Variants in PTPRD observed in about 807,000 individuals in gnomAD.
PTPRD encodes the protein receptor-type tyrosine-protein phosphatase delta.
A neutral mutation model predicts 214.5 loss-of-function variants in PTPRD; 34 were observed. The ratio of observed to expected loss-of-function variants is 0.16; its 90% confidence interval spans 0.12 to 0.21. PTPRD has a LOEUF of 0.21. PTPRD is among the 10% of genes least tolerant of loss of function. PTPRD has a pLI of 1.00. For synonymous variants in PTPRD, 1,128 were observed against 845.7 expected (o/e 1.33, Z -5.79); for missense variants, 2,545 against 2,398.7 (o/e 1.06, Z -1.27).
At chr9:8,679,024 T>C (rs752382684) in intron 12 of PTPRD, among the ~76,000 whole-genome samples, 33 of 152,180 alleles carry the variant, frequency 2.2e-4, no homozygotes, top group Non-Finnish European at 4.3e-4. Flanking sequence ...AATTTCTGAG[T>C]TAAACAGATG....
intron 10 of PTPRD, among the ~76,000 whole-genome samples, chr9:9,131,865 A>C (rs2099843209): frequency 6.6e-6 from 1 of 150,776 alleles, no homozygotes; most frequent in Admixed American, 6.6e-5. Flanking sequence ...AAATTTTTAA[A>C]ATTTGGCAGA....
At chr9:8,648,699 A>C (rs2096745129) in intron 12 of PTPRD, among the ~76,000 whole-genome samples, 1 of 152,216 alleles carries the variant, frequency 6.6e-6, no homozygotes, top group Admixed American at 6.5e-5. Flanking sequence ...ACAATCTCCC[A>C]GGCTCATTCA....
At chr9:10,546,728 A>C (rs2130890560) in intron 2 of PTPRD, among the ~76,000 whole-genome samples, 1 of 152,250 alleles carries the variant, frequency 6.6e-6, no homozygotes, top group East Asian at 1.9e-4. Flanking sequence ...TGTGAGCCCT[A>C]TAGAAAGGGT....
intron 31 of PTPRD, among the ~76,000 whole-genome samples, chr9:8,469,226 T>G (rs1045832672): frequency 6.6e-6 from 1 of 152,074 alleles, no homozygotes; most frequent in Non-Finnish European, 1.5e-5. Flanking sequence ...AGCCCTATAC[T>G]TTAATCCATT....
chr9:9,447,130 G>A (rs577091456), intron 8 of PTPRD, among the ~76,000 whole-genome samples: 7 of 152,090 alleles, frequency 4.6e-5, no homozygotes, highest in African/African-American at 1.2e-4. Flanking sequence ...ACCAAAAATC[G>A]GAATTACTAT....
intron 11 of PTPRD, among the ~76,000 whole-genome samples, chr9:9,003,926 C>G (rs1177733465): frequency 1.3e-5 from 2 of 152,038 alleles, no homozygotes; most frequent in African/African-American, 4.8e-5. Context: ...AACAAATTGT[C>G]TACTTCTTAG....
chr9:9,288,859 T>C (rs1243870197), intron 9 of PTPRD, among the ~76,000 whole-genome samples: 1 of 151,846 alleles, frequency 6.6e-6, no homozygotes, highest in Non-Finnish European at 1.5e-5. Context: ...TGAGATCTGA[T>C]GGTTTTATAA....
At chr9:8,484,962 G>C (rs146863326) in intron 29 of PTPRD, among the ~76,000 whole-genome samples, 52 of 152,264 alleles carry the variant, frequency 3.4e-4, no homozygotes, top group African/African-American at 1.3e-3. Flanking sequence ...AAAAGCACTA[G>C]CTTAGATGTA....
At chr9:10,521,083 T>C (rs949546250) in intron 2 of PTPRD, among the ~76,000 whole-genome samples, 12 of 151,972 alleles carry the variant, frequency 7.9e-5, no homozygotes, top group African/African-American at 2.4e-5. Context: ...ATTCTTCTGA[T>C]AGATCTGGGA....
intron 7 of PTPRD, among the ~76,000 whole-genome samples, chr9:9,650,935 C>A (rs1283316149): frequency 6.6e-6 from 1 of 151,690 alleles, no homozygotes; most frequent in Non-Finnish European, 1.5e-5. Flanking sequence ...CTACAAATAG[C>A]AATTCTAGAG....
chr9:8,766,036 G>C (rs1231579198), intron 11 of PTPRD, among the ~76,000 whole-genome samples: 1 of 151,972 alleles, frequency 6.6e-6, no homozygotes, highest in Non-Finnish European at 1.5e-5. Flanking sequence ...CAGCATCAGG[G>C]ACTGTCTTTA....
At chr9:10,289,454 A>G (rs1565064271) in intron 3 of PTPRD, among the ~76,000 whole-genome samples, 1 of 152,138 alleles carries the variant, frequency 6.6e-6, no homozygotes, top group Non-Finnish European at 1.5e-5. Context: ...ATCAAAGACA[A>G]TACTGAGGCA....
intron 3 of PTPRD, among the ~76,000 whole-genome samples, chr9:10,098,991 T>A (rs2098523943): frequency 6.6e-6 from 1 of 151,722 alleles, no homozygotes; most frequent in Non-Finnish European, 1.5e-5. Flanking sequence ...GAACAATGGG[T>A]GTACCCTCTT....
At chr9:9,395,182 T>C (rs985042220) in intron 9 of PTPRD, among the ~76,000 whole-genome samples, 1 of 132,780 alleles carries the variant, frequency 7.5e-6, no homozygotes, top group Non-Finnish European at 1.7e-5. Context: ...CCCAGGAACA[T>C]GAAACAAAAA....
At chr9:8,950,455 A>G (rs1191646404) in intron 11 of PTPRD, among the ~76,000 whole-genome samples, 1 of 150,892 alleles carries the variant, frequency 6.6e-6, no homozygotes, top group Admixed American at 6.6e-5. Flanking sequence ...GCTTATATGC[A>G]CCAATTCAGT....
chr9:10,162,694 T>C (rs2099135385), intron 3 of PTPRD, among the ~76,000 whole-genome samples: 4 of 147,136 alleles, frequency 2.7e-5, no homozygotes, highest in African/African-American at 4.9e-5. Context: ...TATGTGTATA[T>C]ATATACATAT....
At chr9:9,649,447 T>C (rs1340951944) in intron 7 of PTPRD, among the ~76,000 whole-genome samples, 1 of 152,118 alleles carries the variant, frequency 6.6e-6, no homozygotes, top group Non-Finnish European at 1.5e-5. Context: ...CATAAATATA[T>C]GGAAAGAAAC....
chr9:10,159,408 G>C (rs1031934241), intron 3 of PTPRD, among the ~76,000 whole-genome samples: 2 of 151,388 alleles, frequency 1.3e-5, no homozygotes, highest in African/African-American at 4.8e-5. Context: ...AAAAAAGCCA[G>C]GCAGAGAAGT....
intron 8 of PTPRD, among the ~76,000 whole-genome samples, chr9:9,425,588 C>CACTT (rs4008104): frequency 0.87 from 130,928 of 150,870 alleles, 56,913 homozygotes; most frequent in Middle Eastern, 0.91. Flanking sequence ...CACAGGCTGA[C>CACTT]ACAATGTGGA....
Sources: allele counts gnomAD v4.1 joint callset (sites outside exome capture counted in the v4.1 genomes callset), GRCh38; gene constraint gnomAD v4.1.1; transcripts MANE v1.5; gene names NCBI Gene and HGNC (gene_info 2026-07-23, HGNC 2026-07-21).